Variants in RNPC3 observed in about 807,000 individuals in gnomAD.
RNPC3 encodes the protein RNA binding region (RNP1, RRM) containing 3.
In RNPC3, 48 loss-of-function variants were observed where a neutral mutation model predicts 67.5. That is an observed-to-expected ratio of 0.71 (90% confidence interval 0.56 to 0.90). RNPC3 has a LOEUF of 0.90. RNPC3 is among the 40% of genes least tolerant of loss of function. RNPC3 has a pLI of 0.00. For synonymous variants in RNPC3, 239 were observed against 210.3 expected, an observed-to-expected ratio of 1.14 and a Z score of -1.18; for missense variants, 637 against 626.1, an observed-to-expected ratio of 1.02 and a Z score of -0.19.
At position 103,529,598 on chromosome 1, in the gene RNPC3, T is replaced by C. The variant is rs574359642; in HGVS notation, c.240+1856T>C. The stretch of plus-strand genomic sequence containing the variant: ...ATAAATCTTTGAAAATAAGAACATA[T>C]GTGATACCCATTTGAGAAGAAGAAA... On this transcript the variant is annotated intron_variant, in intron 2 of 14. Coordinates refer to ENST00000423855, the MANE Select transcript of RNPC3 (RefSeq NM_017619.4). Among the ~76,000 whole-genome samples the C allele has an allele frequency of 2.0e-5, 3 of 152,212 alleles. No individual in the cohort carries two copies. The East Asian group carries it at 5.8e-4, about 30-fold the overall frequency.
At position 103,526,160 on chromosome 1, in the gene RNPC3, G is replaced by C; in HGVS notation, c.90G>C (p.Leu30=). Residue 30 remains leucine (L), a synonymous_variant, in exon 1 of 15, where the codon CTG becomes CTC. Transcript: ENST00000423855. The stretch of plus-strand genomic sequence containing the variant: ...CGCCTCGGGGCGACCGAACCCTTCT[G>C]GTCAGGCACCTGCCGGCTGAGCTTA... ...LSPPRGDRTL[L]VRHLPAELTA... is the part of the protein sequence containing the mutation. 1 of 1,551,516 alleles carries C rather than the reference G, an allele frequency of 6.4e-7. No individual in the cohort carries two copies.
chr1:103,541,646 T>C (rs958388679), intron 8 of RNPC3, among the ~76,000 whole-genome samples, 171 bp downstream of exon 8: 3 of 152,122 alleles, frequency 2.0e-5, no homozygotes, highest in Non-Finnish European at 4.4e-5. Context: ...AGTTGACCAC[T>C]ACTCTCTTCT....
chr1:103,536,464 TTATATTTAAC>T (rs764106459), intron 6 of RNPC3, among the ~76,000 whole-genome samples: 108 of 152,296 alleles, frequency 7.1e-4, no homozygotes, highest in Non-Finnish European at 1.2e-3. Flanking sequence ...TATAAGGTAG[TTATATTTAAC>T]TAAATTACCT....
At chr1:103,532,291 G>A (rs1440701753) in intron 2 of RNPC3, among the ~76,000 whole-genome samples, 1 of 152,082 alleles carries the variant, frequency 6.6e-6, no homozygotes, top group Non-Finnish European at 1.5e-5. Flanking sequence ...TAGGAAAGAA[G>A]CATTAAGGAT....
chr1:103,541,483 T>G lies in RNPC3; in HGVS notation c.893+8T>G. On this transcript the variant is annotated splice_region_variant and intron_variant, in intron 8 of 14. Coordinates refer to ENST00000423855, the MANE Select transcript of RNPC3 (RefSeq NM_017619.4). ...TTTGTGTCCTTCACACAGGTAATTT[T>G]ATTTGAACTAAGAAATGAGGGTTGT... 1 of 1,480,986 alleles carries G rather than the reference T, an allele frequency of 6.8e-7. No individual in the cohort carries two copies. The highest frequency in any genetic ancestry group is 1.5e-5 in the African/African-American group (1 of 68,458). 91.7% of individuals were successfully genotyped at this position (1,480,986 alleles called of 1,614,324 possible).
intron 5 of RNPC3, 63 bp from the exon 6 acceptor site, chr1:103,536,063 A>G (rs745904293): frequency 1.2e-4 from 146 of 1,250,592 alleles, no homozygotes; most frequent in Non-Finnish European, 1.5e-4. Flanking sequence ...TTCTTAGTAC[A>G]TAAAATACAA....
chr1:103,554,669 A>G (rs1651489429), intron 14 of RNPC3: 1 of 152,588 alleles, frequency 6.6e-6, no homozygotes, highest in African/African-American at 2.4e-5. Context: ...CCTAGTATCA[A>G]CCTAGCCATC....
rs1160976181 is a variant in RNPC3 at position 103,551,812 on chromosome 1, A to C, written c.*12+20A>C. On this transcript the variant is annotated intron_variant, in intron 14 of 14. Transcript: ENST00000423855. The stretch of plus-strand genomic sequence containing the variant: ...ATAAAGGTAAGTGTGAATAAAACAT[A>C]ATAAAAAGACAAGACTAATTCTTGA... 9.9e-6 allele frequency: 12 copies of C among 1,208,960 alleles called. No homozygotes were observed. The highest frequency in any genetic ancestry group is 1.3e-5 in the Non-Finnish European group (11 of 863,806). 74.9% of individuals were successfully genotyped at this position (1,208,960 alleles called of 1,614,324 possible).
In RNPC3 at chr1:103,550,963, G is replaced by C. The variant is rs748883771; in HGVS notation, c.1384G>C (p.Glu462Gln). The C allele has an allele frequency of 6.2e-7, 1 of 1,611,498 alleles. No individual in the cohort carries two copies. Among genetic ancestry groups the C allele is most frequent in the Admixed American group, 1.7e-5 (1 of 59,962 alleles). ...TAGGTTTGATATACGTTTGATGAAA[G>C]AAGGTCGTATGAAAGGACAAGCTTT... ...RIMFDIRLMK[E>Q]GRMKGQAFIG... The change falls in exon 13 of 15, where the codon GAA (glutamate) becomes CAA (glutamine). Residue 462 changes from glutamate (E) to glutamine (Q), a missense_variant. This residue lies in a region of RNPC3 where 96 missense variants were observed against 105.8 expected (regional missense o/e 0.91). Transcript: ENST00000423855.
Position 103,526,263 on chromosome 1 carries a change from G to T in RNPC3, c.192+1G>T. ...GGTCCTGTCAGATAAGGGGCGACTG[G>T]TAAGGGCGCGCCCCTCCGGAGTCTC... On this transcript the variant is annotated splice_donor_variant, in intron 1 of 14. Transcript: ENST00000423855. LOFTEE classifies it high-confidence loss of function. 6.5e-7 allele frequency: 1 copy of T among 1,534,742 alleles called. No individual in the cohort carries two copies. Among genetic ancestry groups the T allele is most frequent in the Admixed American group, 2.0e-5 (1 of 49,550 alleles).
In RNPC3 at chr1:103,537,495, T is replaced by C; in HGVS notation, c.767+11T>C. ...TGAGGACCGACAGAGGTTTGTAACATGAAAAATTTGTTTAGTTTCCAAGAA... is the reference window on the plus strand; with the variant it reads ...TGAGGACCGACAGAGGTTTGTAACACGAAAAATTTGTTTAGTTTCCAAGAA... On this transcript the variant is annotated intron_variant, in intron 7 of 14. Coordinates refer to ENST00000423855, the MANE Select transcript of RNPC3 (RefSeq NM_017619.4). The C allele has an allele frequency of 6.6e-7, 1 of 1,526,456 alleles. No individual in the cohort carries two copies. Among genetic ancestry groups the C allele is most frequent in the Non-Finnish European group, 8.8e-7 (1 of 1,142,436 alleles). The allele number at this position is 1,526,456 out of a possible 1,614,324, so 94.6% of individuals were successfully genotyped here. A position where few individuals can be genotyped will look rare whatever the true frequency, so the allele number is the denominator to read the frequency against.
intron 12 of RNPC3, among the ~76,000 whole-genome samples, chr1:103,548,953 C>T (rs144166003): frequency 0.037 from 5,697 of 152,164 alleles, 150 homozygotes; most frequent in Non-Finnish European, 0.047. Context: ...AGAGCTCGTG[C>T]GGGCAAACTG....
intron 1 of RNPC3, among the ~76,000 whole-genome samples, chr1:103,527,405 T>C (rs149017738): frequency 4.6e-5 from 7 of 152,348 alleles, no homozygotes; most frequent in African/African-American, 1.7e-4. Context: ...TGGTTAAAAG[T>C]GACCCTCTGT....
At position 103,541,415 on chromosome 1, in the gene RNPC3, A is replaced by G; in HGVS notation, c.833A>G (p.His278Arg). ...PKRPKTIKQRHVRKKRKIKDM... is the reference protein window; with the variant it reads ...PKRPKTIKQRRVRKKRKIKDM... ...AGACCTAAAACAATAAAGCAGCGCC[A>G]TGTGAGAAAAAAGAGAAAAATAAAG... Residue 278 changes from histidine (H) to arginine (R), a missense_variant, in exon 8 of 15, where the codon CAT becomes CGT. Around this residue, in one of 3 missense-constraint regions of RNPC3, gnomAD observed 536 missense variants for 500.3 expected, o/e 1.07. Transcript: ENST00000423855. 1 of 1,496,900 alleles carries G rather than the reference A, an allele frequency of 6.7e-7. No individual in the cohort carries two copies. The highest frequency in any genetic ancestry group is 8.8e-7 in the Non-Finnish European group (1 of 1,133,838). 92.7% of individuals were successfully genotyped at this position (1,496,900 alleles called of 1,614,324 possible). A position where few individuals can be genotyped will look rare whatever the true frequency, so the allele number is the denominator to read the frequency against.
intron 14 of RNPC3, chr1:103,554,462 G>C (rs1651483614): frequency 6.6e-6 from 1 of 152,592 alleles, no homozygotes; most frequent in Non-Finnish European, 1.5e-5. Flanking sequence ...CTCTCAAACT[G>C]ATTTTAATAT....
At position 103,551,145 on chromosome 1, in the gene RNPC3, T is replaced by A. The variant is rs1651378764; in HGVS notation, c.1494+72T>A. ...GATATAACTGAAATTAATTTTCATGTTACCCTTTAGAAATTTCCACAATTG... is the reference window on the plus strand; with the variant it reads ...GATATAACTGAAATTAATTTTCATGATACCCTTTAGAAATTTCCACAATTG... On this transcript the variant is annotated intron_variant, in intron 13 of 14. Coordinates refer to ENST00000423855, the MANE Select transcript of RNPC3 (RefSeq NM_017619.4). 6.7e-6 allele frequency: 9 copies of A among 1,338,744 alleles called. No individual in the cohort carries two copies. In the Admixed American group the frequency reaches 2.6e-4, roughly 38 times the overall value. The allele number at this position is 1,338,744 out of a possible 1,614,324, so 82.9% of individuals were successfully genotyped here.
chr1:103,534,479 A>G (rs983221974), intron 3 of RNPC3, among the ~76,000 whole-genome samples: 31 of 151,994 alleles, frequency 2.0e-4, no homozygotes, highest in African/African-American at 7.0e-4. Flanking sequence ...CTTTAGTTTT[A>G]TTTTTGTTCA....
chr1:103,529,160 G>C (rs531190517), intron 2 of RNPC3, among the ~76,000 whole-genome samples: 1 of 152,182 alleles, frequency 6.6e-6, no homozygotes, highest in Admixed American at 6.5e-5. Flanking sequence ...AAATATGGCA[G>C]AACTATACAC....
Position 103,534,814 on chromosome 1 carries a change from C to G in RNPC3, c.400C>G (p.Leu134Val). Reference sequence around the variant, plus strand: ...CGAAGATGATAAAGAAAAAAAAGAACTTGGTTATTTAACAGTAGAAAATGG... The same window carrying G: ...CGAAGATGATAAAGAAAAAAAAGAAGTTGGTTATTTAACAGTAGAAAATGG... ...PVEDDKEKKE[L>V]GYLTVENGIA... Residue 134 changes from leucine to valine, a missense_variant, in exon 4 of 15, where the codon CTT becomes GTT. Leu to Val is a conservative substitution (Grantham distance 32). Coordinates refer to ENST00000423855, the MANE Select transcript of RNPC3 (RefSeq NM_017619.4). The G allele has an allele frequency of 6.5e-7, 1 of 1,532,148 alleles. No individual in the cohort carries two copies. Among genetic ancestry groups the G allele is most frequent in the South Asian group, 1.2e-5 (1 of 83,488 alleles). The allele number at this position is 1,532,148 out of a possible 1,614,324, so 94.9% of individuals were successfully genotyped here. A position where few individuals can be genotyped will look rare whatever the true frequency, so the allele number is the denominator to read the frequency against.
Sources: allele counts gnomAD v4.1 joint callset (sites outside exome capture counted in the v4.1 genomes callset), GRCh38; gene constraint gnomAD v4.1.1; regional missense constraint gnomAD v4.1.1; transcripts MANE v1.5; gene names NCBI Gene and HGNC (gene_info 2026-07-23, HGNC 2026-07-21).